The following CDH13 variants were observed in gnomAD, a reference collection of about 807,000 sequenced individuals.
CDH13 encodes the protein cadherin 13.
In CDH13, 24 loss-of-function variants were observed where a neutral mutation model predicts 63.8. That is an observed-to-expected ratio of 0.38 (90% CI 0.27 to 0.53). The LOEUF (loss-of-function observed/expected upper bound fraction) is 0.53. CDH13 is among the 20% of genes least tolerant of loss of function. CDH13 has a pLI of 0.85. For synonymous variants in CDH13, 503 were observed against 355.3 expected (o/e 1.42, Z -4.67); for missense variants, 1,049 against 903.1 (o/e 1.16, Z -2.07).
intron 2 of CDH13, among the ~76,000 whole-genome samples, chr16:82,993,159 G>C (rs538850668): frequency 3.9e-5 from 6 of 152,028 alleles, no homozygotes; most frequent in Non-Finnish European, 8.8e-5. Context: ...TTCTGCCCTC[G>C]ATATCTGTTT....
chr16:83,511,461 C>CA (rs112318380), intron 7 of CDH13, among the ~76,000 whole-genome samples: 7,857 of 130,924 alleles, frequency 0.06, 474 homozygotes, highest in African/African-American at 0.16. Context: ...GATTCCATCT[C>CA]AAAAAAAAAA....
Position 82,710,280 on chromosome 16 carries a change from T to G in CDH13, c.45+83143T>G, listed in dbSNP as rs1019969021. 3.4e-5 allele frequency among the ~76,000 whole-genome samples: 5 copies of G among 146,396 alleles called. No homozygotes were observed. In the South Asian group the frequency reaches 1.1e-3, roughly 31 times the overall value. ...AAAATATAAAATATATTTTATATGTTTAATTATATATAATAGGTGGAGGCG... is the reference window on the plus strand; with the variant it reads ...AAAATATAAAATATATTTTATATGTGTAATTATATATAATAGGTGGAGGCG... On this transcript the variant is annotated intron_variant, in intron 1 of 13. Coordinates refer to ENST00000567109, the MANE Select transcript of CDH13 (RefSeq NM_001257.5).
chr16:82,937,602 A>G (rs1413129010), intron 2 of CDH13, among the ~76,000 whole-genome samples: 2 of 152,218 alleles, frequency 1.3e-5, no homozygotes, highest in Non-Finnish European at 2.9e-5. Flanking sequence ...AAACATGTAT[A>G]TTATTGCAAG....
chr16:82,631,526 C>A (rs576877390), intron 1 of CDH13, among the ~76,000 whole-genome samples: 1 of 152,344 alleles, frequency 6.6e-6, no homozygotes, highest in East Asian at 1.9e-4. Flanking sequence ...ATTTAGCTGT[C>A]AGCCAGGTAC....
chr16:82,921,027 A>C (rs1365773811), intron 2 of CDH13, among the ~76,000 whole-genome samples: 1 of 152,068 alleles, frequency 6.6e-6, no homozygotes, highest in Non-Finnish European at 1.5e-5. Context: ...AATTAAGCTT[A>C]TTGTATTAAT....
chr16:83,645,168 T>A (rs1393402130), intron 8 of CDH13, among the ~76,000 whole-genome samples: 1 of 152,220 alleles, frequency 6.6e-6, no homozygotes, highest in Non-Finnish European at 1.5e-5. Context: ...AACGATTGAC[T>A]GGTTAAAGAA....
chr16:83,393,754 T>C (rs1461887126), intron 6 of CDH13, among the ~76,000 whole-genome samples: 1 of 152,226 alleles, frequency 6.6e-6, no homozygotes, highest in Non-Finnish European at 1.5e-5. Flanking sequence ...TGTATGCATT[T>C]ATTCATTCAT....
chr16:82,754,014 G>A (rs115600878), intron 1 of CDH13, among the ~76,000 whole-genome samples: 1,548 of 152,284 alleles, frequency 0.01, 25 homozygotes, highest in African/African-American at 0.036. Context: ...CTAGCATTCC[G>A]TGATTCTTCG....
intron 5 of CDH13, among the ~76,000 whole-genome samples, chr16:83,280,670 C>G (rs888378483): frequency 8.0e-6 from 1 of 125,242 alleles, no homozygotes; most frequent in Non-Finnish European, 1.7e-5. Context: ...AAATCATATG[C>G]CAGCTATGGC....
rs183792252 is a variant in CDH13 at position 82,671,739 on chromosome 16, A to G, written c.45+44602A>G. Among the ~76,000 whole-genome samples, 4 of 152,254 alleles carry G rather than the reference A, an allele frequency of 2.6e-5. No individual in the cohort carries two copies. In the East Asian group the frequency reaches 7.7e-4, roughly 29 times the overall value. Reference sequence around the variant, plus strand: ...CTAGAACTCAATTTATCAGATCCAGATTTGGTATTCTAAAGACTAGAGTGT... The same window carrying G: ...CTAGAACTCAATTTATCAGATCCAGGTTTGGTATTCTAAAGACTAGAGTGT... On this transcript the variant is annotated intron_variant, in intron 1 of 13. Transcript: ENST00000567109.
At chr16:82,994,286 A>C (rs977998862) in intron 2 of CDH13, among the ~76,000 whole-genome samples, 11 of 152,072 alleles carry the variant, frequency 7.2e-5, no homozygotes, top group African/African-American at 2.4e-4. Context: ...CCACGTCTCT[A>C]ACTCCTCCTC....
intron 8 of CDH13, among the ~76,000 whole-genome samples, chr16:83,633,011 C>G (rs1274832216): frequency 6.6e-6 from 1 of 152,014 alleles, no homozygotes; most frequent in East Asian, 1.9e-4. Context: ...TTTTGACATG[C>G]TAATGTATTA....
intron 2 of CDH13, chr16:82,859,734 A>G (rs1474034623): frequency 6.6e-6 from 1 of 151,020 alleles, no homozygotes; most frequent in Non-Finnish European, 1.5e-5. Context: ...AGGAAAGACA[A>G]GAAAAAAAAA....
intron 7 of CDH13, among the ~76,000 whole-genome samples, chr16:83,601,721 G>C (rs1412757896): frequency 6.6e-6 from 1 of 152,126 alleles, no homozygotes; most frequent in African/African-American, 2.4e-5. Flanking sequence ...TTTGTCCTAA[G>C]CTCATCATCA....
chr16:83,328,133 A>AAG (rs1555530891), intron 5 of CDH13, among the ~76,000 whole-genome samples: 2 of 143,570 alleles, frequency 1.4e-5, no homozygotes, highest in Non-Finnish European at 1.5e-5. Context: ...CAAAAAAAAA[A>AAG]AAAAAGAAAA....
intron 5 of CDH13, among the ~76,000 whole-genome samples, chr16:83,241,453 A>T (rs968516067): frequency 2.6e-4 from 40 of 152,224 alleles, no homozygotes; most frequent in Admixed American, 2.6e-3. Context: ...CACCAAGTGT[A>T]TACAAGTGTG....
chr16:83,670,131 T>C (rs1453853460), intron 8 of CDH13, among the ~76,000 whole-genome samples: 1 of 152,220 alleles, frequency 6.6e-6, no homozygotes, highest in African/African-American at 2.4e-5. Context: ...TCTAAGATCA[T>C]ATTAAAACTG....
chr16:83,021,384 C>G (rs1231306122), intron 2 of CDH13, among the ~76,000 whole-genome samples: 2 of 152,296 alleles, frequency 1.3e-5, no homozygotes, highest in East Asian at 1.9e-4. Flanking sequence ...GCATAGCATT[C>G]TATCAGGAAA....
At chr16:83,734,837 G>C (rs948590224) in intron 10 of CDH13, among the ~76,000 whole-genome samples, 26 of 151,746 alleles carry the variant, frequency 1.7e-4, no homozygotes, top group Non-Finnish European at 3.1e-4. Context: ...GATGGATGAG[G>C]GGTCTGGCTC....
Sources: allele counts gnomAD v4.1 joint callset (sites outside exome capture counted in the v4.1 genomes callset), GRCh38; gene constraint gnomAD v4.1.1; transcripts MANE v1.5; gene names NCBI Gene and HGNC (gene_info 2026-07-23, HGNC 2026-07-21).